PCDHA12: variants seen among roughly 807,000 people sequenced by gnomAD.
The protein encoded by PCDHA12 is protocadherin alpha 12.
In PCDHA12, 44 loss-of-function variants were observed where a neutral mutation model predicts 60.0. The ratio of observed to expected loss-of-function variants is 0.73; its 90% CI spans 0.58 to 0.94. The LOEUF is 0.94. PCDHA12 is among the 40% of genes least tolerant of loss of function. The pLI is 0.00. For missense variants in PCDHA12, 1,276 were observed against 1,239.7 expected, an observed-to-expected ratio of 1.03 and a Z score of -0.44; for synonymous variants, 569 against 553.0, an observed-to-expected ratio of 1.03 and a Z score of -0.40.
intron 1 of PCDHA12, among the ~76,000 whole-genome samples, chr5:140,904,904 C>T (rs1463349424): frequency 6.6e-6 from 1 of 151,948 alleles, no homozygotes; most frequent in East Asian, 1.9e-4. Context: ...GTTTTTCTTA[C>T]TGATTTGTTT....
In PCDHA12 at chr5:140,875,667, G is replaced by A. The variant is rs376967983; in HGVS notation, c.195G>A (p.Arg65=). 10 of 1,613,820 alleles carry A rather than the reference G, an allele frequency of 6.2e-6. No homozygotes were observed. Among genetic ancestry groups the A allele is most frequent in the East Asian group, 4.5e-5 (2 of 44,882 alleles). ...CGGAGCTGGTGCCGCGCCTGTTCCG[G>A]GTGGCGTCCAAAAGACACGGGGACC... is the stretch of plus-strand genomic sequence containing the variant. ...ELAELVPRLF[R]VASKRHGDLL... is the part of the protein sequence containing the mutation. Residue 65 remains arginine (R), a synonymous_variant, in exon 1 of 4, where the codon CGG becomes CGA. Transcript: ENST00000398631.
chr5:140,956,706 G>A (rs1166051458), intron 1 of PCDHA12, among the ~76,000 whole-genome samples: 2 of 152,172 alleles, frequency 1.3e-5, no homozygotes, highest in African/African-American at 4.8e-5. Flanking sequence ...GTTTGGAATA[G>A]CTTCAGAAGA....
At chr5:141,008,528 G>C (rs1343778561) in intron 3 of PCDHA12, among the ~76,000 whole-genome samples, 5 of 152,070 alleles carry the variant, frequency 3.3e-5, no homozygotes, top group African/African-American at 9.7e-5. Flanking sequence ...AGACTCTTGG[G>C]AATGTCTTTT....
At chr5:140,962,191 T>C (rs2095664022) in intron 1 of PCDHA12, among the ~76,000 whole-genome samples, 1 of 152,210 alleles carries the variant, frequency 6.6e-6, no homozygotes, top group African/African-American at 2.4e-5. Flanking sequence ...ATCACTTTTA[T>C]GCTTCCTATC....
rs190283736 is a variant in PCDHA12 at position 140,986,671 on chromosome 5, A to G, written c.2515+4108A>G. 1.7e-3 allele frequency among the ~76,000 whole-genome samples: 261 copies of G among 152,322 alleles called. 3 individuals carry two copies. The highest frequency in any genetic ancestry group is 2.2e-4 in the Non-Finnish European group (15 of 68,018). ...GTGGGAGATGCTCACAGTTTTCAGA[A>G]GAGTTCAGAAAGTTTCAAAACACAC... On this transcript the variant is annotated intron_variant, in intron 3 of 3. Coordinates refer to ENST00000398631, the MANE Select transcript of PCDHA12 (RefSeq NM_018903.4).
intron 1 of PCDHA12, chr5:140,884,217 T>C (rs782181432): frequency 6.2e-7 from 1 of 1,613,448 alleles, no homozygotes; most frequent in East Asian, 2.2e-5. Flanking sequence ...CTTCTGGTGC[T>C]GGTGAAGGAC....
At chr5:140,903,770 C>T (rs1583503336) in intron 1 of PCDHA12, among the ~76,000 whole-genome samples, 1 of 152,136 alleles carries the variant, frequency 6.6e-6, no homozygotes, top group Non-Finnish European at 1.5e-5. Flanking sequence ...CTGAACTTTT[C>T]TATCCATAAA....
intron 3 of PCDHA12, among the ~76,000 whole-genome samples, chr5:141,006,194 A>G (rs1455369245): frequency 1.3e-5 from 2 of 149,246 alleles, no homozygotes; most frequent in African/African-American, 2.5e-5. Context: ...TGCTATATGT[A>G]TGTTATGCCT....
At chr5:140,957,674 T>C (rs2095374808) in intron 1 of PCDHA12, among the ~76,000 whole-genome samples, 1 of 152,084 alleles carries the variant, frequency 6.6e-6, no homozygotes, top group African/African-American at 2.4e-5. Flanking sequence ...AAATTAATTA[T>C]GAAATATCTA....
intron 3 of PCDHA12, among the ~76,000 whole-genome samples, chr5:140,997,321 T>C (rs964967011): frequency 1.3e-5 from 2 of 152,174 alleles, no homozygotes; most frequent in Non-Finnish European, 2.9e-5. Flanking sequence ...CTTTAGGCAG[T>C]TTTTTCGTTG....
At chr5:140,925,978 T>G (rs2082847274) in intron 1 of PCDHA12, among the ~76,000 whole-genome samples, 1 of 152,164 alleles carries the variant, frequency 6.6e-6, no homozygotes, top group Admixed American at 6.5e-5. Flanking sequence ...AAAAAAGCCT[T>G]GAGCTCGCTG....
At chr5:140,962,223 A>G (rs951247075) in intron 1 of PCDHA12, among the ~76,000 whole-genome samples, 8 of 152,160 alleles carry the variant, frequency 5.3e-5, no homozygotes, top group Admixed American at 3.9e-4. Flanking sequence ...CTTGAGGTTC[A>G]AGTTTCACTT....
Position 140,883,886 on chromosome 5 carries a change from T to G in PCDHA12, c.2367+6047T>G, listed in dbSNP as rs147704126. ...GCAGTTCCAGGTGAGCGCGCGCGAC[T>G]CTGGCGTGCCGCCTCTGGGCAGCAA... On this transcript the variant is annotated intron_variant, in intron 1 of 3. Transcript: ENST00000398631. The G allele has an allele frequency of 2.5e-5, 41 of 1,613,036 alleles. No homozygotes were observed. The African/African-American group carries it at 2.7e-4, about 11-fold the overall frequency.
chr5:140,945,927 G>A (rs1036727708), intron 1 of PCDHA12, among the ~76,000 whole-genome samples: 1 of 152,038 alleles, frequency 6.6e-6, no homozygotes, highest in East Asian at 1.9e-4. Flanking sequence ...ACTGATCTGA[G>A]CAATGATGTT....
intron 1 of PCDHA12, chr5:140,968,459 G>A (rs1554230743): frequency 6.2e-7 from 1 of 1,614,094 alleles, no homozygotes; most frequent in African/African-American, 1.3e-5. Flanking sequence ...CACTGTGACT[G>A]CCAACGTATA....
At chr5:140,883,758 G>T in intron 1 of PCDHA12, 1 of 1,612,920 alleles carries the variant, frequency 6.2e-7, no homozygotes, top group Non-Finnish European at 8.5e-7. Flanking sequence ...CTGGTGGAGC[G>T]GCGGGTGGGC....
chr5:140,959,480 T>C (rs1554224103), intron 1 of PCDHA12, among the ~76,000 whole-genome samples: 1 of 152,222 alleles, frequency 6.6e-6, no homozygotes, highest in Non-Finnish European at 1.5e-5. Context: ...TCAAGGCATA[T>C]TGTTATATAT....
intron 1 of PCDHA12, among the ~76,000 whole-genome samples, chr5:140,888,190 A>G (rs2153423083): frequency 6.6e-6 from 1 of 152,280 alleles, no homozygotes; most frequent in East Asian, 1.9e-4. Flanking sequence ...TGTGAATTTT[A>G]CATTGTCGGA....
At chr5:140,909,439 G>C (rs1348703640) in intron 1 of PCDHA12, among the ~76,000 whole-genome samples, 1 of 152,210 alleles carries the variant, frequency 6.6e-6, no homozygotes, top group Admixed American at 6.5e-5. Context: ...ATAATCCACT[G>C]TCATTCTCCA....
Sources: allele counts gnomAD v4.1 joint callset (sites outside exome capture counted in the v4.1 genomes callset), GRCh38; gene constraint gnomAD v4.1.1; transcripts MANE v1.5; gene names NCBI Gene and HGNC (gene_info 2026-07-23, HGNC 2026-07-21).